Variants in ANKRD55 observed in about 807,000 individuals in gnomAD.
The protein encoded by ANKRD55 is ankyrin repeat domain 55.
ANKRD55 carries 41 observed loss-of-function variants against 60.6 expected under a neutral mutation model. That is an observed-to-expected ratio of 0.68 (90% confidence interval 0.53 to 0.88). The LOEUF is 0.88. Among genes scored for constraint, ANKRD55 ranks in the 40% least tolerant of loss-of-function variants. ANKRD55 has a pLI of 0.00. For missense variants in ANKRD55, 732 were observed against 767.6 expected (o/e 0.95, Z 0.55); for synonymous variants, 264 against 290.3 (o/e 0.91, Z 0.92).
intron 6 of ANKRD55, among the ~76,000 whole-genome samples, chr5:56,145,884 A>G (rs1209400396): frequency 6.6e-6 from 1 of 152,234 alleles, no homozygotes; most frequent in Non-Finnish European, 1.5e-5. Context: ...AAAGCAATGG[A>G]ACTTCTTATT....
intron 8 of ANKRD55, 95 bp downstream of exon 8, chr5:56,126,827 C>A: frequency 1.5e-6 from 2 of 1,347,960 alleles, no homozygotes; most frequent in Non-Finnish European, 2.0e-6. Context: ...AGGGATATAG[C>A]TGTATAGGAC....
At chr5:56,112,680 C>G (rs997095070) in intron 9 of ANKRD55, among the ~76,000 whole-genome samples, 1 of 152,010 alleles carries the variant, frequency 6.6e-6, no homozygotes, top group Non-Finnish European at 1.5e-5. Context: ...TTCCCTGAGG[C>G]AAGATTCTGT....
chr5:56,155,884 C>T (rs1159252576), intron 6 of ANKRD55, among the ~76,000 whole-genome samples: 1 of 150,430 alleles, frequency 6.6e-6, no homozygotes, highest in Non-Finnish European at 1.5e-5. Flanking sequence ...ATGTATATAT[C>T]TATATACAGA....
At chr5:56,161,046 A>G (rs1758317369) in intron 5 of ANKRD55, 1 of 152,246 alleles carries the variant, frequency 6.6e-6, no homozygotes, top group South Asian at 2.1e-4. Flanking sequence ...GTTAATATGC[A>G]TACAACATAT....
chr5:56,138,849 G>A (rs1014027440), intron 7 of ANKRD55, among the ~76,000 whole-genome samples: 1 of 152,132 alleles, frequency 6.6e-6, no homozygotes, highest in Non-Finnish European at 1.5e-5. Flanking sequence ...AAGAATAAGG[G>A]GAGCTCAGAG....
chr5:56,100,219 A>G lies in ANKRD55; in HGVS notation c.1809T>C (p.Ser603=). ...CACTGGTGGGGTTGGCAGAATGTTC[A>G]CTCTCTTCTGCTGCTGTGCTGTGTC... ...QRRHSTAAEE[S]EHSANPTSDE... Residue 603 remains serine, a synonymous_variant, in exon 12 of 12, where the codon AGT becomes AGC. Transcript: ENST00000341048. 6.2e-7 allele frequency: 1 copy of G among 1,613,998 alleles called. No individual in the cohort carries two copies. The highest frequency in any genetic ancestry group is 8.5e-7 in the Non-Finnish European group (1 of 1,180,006).
intron 4 of ANKRD55, among the ~76,000 whole-genome samples, chr5:56,174,617 A>C (rs1281648775): frequency 2.0e-5 from 3 of 152,114 alleles, no homozygotes; most frequent in Non-Finnish European, 4.4e-5. Flanking sequence ...GCAGATCATG[A>C]GGTCAAGAGA....
chr5:56,122,924 T>C (rs553934176), intron 8 of ANKRD55, among the ~76,000 whole-genome samples: 3 of 151,662 alleles, frequency 2.0e-5, no homozygotes, highest in Non-Finnish European at 2.9e-5. Context: ...TACCACTATG[T>C]CCGGCTAATG....
intron 5 of ANKRD55, chr5:56,162,031 C>T (rs1216225313): frequency 4.1e-6 from 4 of 985,170 alleles, no homozygotes; most frequent in Non-Finnish European, 4.8e-6. Flanking sequence ...TTCTCTGGCT[C>T]ATTATTGGCC....
rs535077615 is a variant in ANKRD55 at position 56,232,559 on chromosome 5, T to C, written c.58+297A>G. Among the ~76,000 whole-genome samples, 161 of 152,234 alleles carry C rather than the reference T, an allele frequency of 1.1e-3. 1 individual carries two copies. Among genetic ancestry groups the C allele is most frequent in the African/African-American group, 2.6e-3 (107 of 41,536 alleles). ...AATAGTTGGTGTGCTTGAAATCCAGTTTTTAAAATTTGAAGGTAGGAATAC... is the reference window on the plus strand; with the variant it reads ...AATAGTTGGTGTGCTTGAAATCCAGCTTTTAAAATTTGAAGGTAGGAATAC... On this transcript the variant is annotated intron_variant, in intron 2 of 11. Coordinates refer to ENST00000341048, the MANE Select transcript of ANKRD55 (RefSeq NM_024669.3).
intron 2 of ANKRD55, among the ~76,000 whole-genome samples, chr5:56,210,687 G>A (rs59992294): frequency 6.6e-6 from 1 of 151,272 alleles, no homozygotes; most frequent in Non-Finnish European, 1.5e-5. Context: ...TGGTTTTGTT[G>A]GTAAAAAAAT....
At chr5:56,124,856 A>G (rs1757193080) in intron 8 of ANKRD55, among the ~76,000 whole-genome samples, 1 of 152,204 alleles carries the variant, frequency 6.6e-6, no homozygotes, top group African/African-American at 2.4e-5. Flanking sequence ...ATGAAGGCAG[A>G]ATTTCATGTT....
intron 2 of ANKRD55, among the ~76,000 whole-genome samples, chr5:56,205,007 A>G (rs1759465160): frequency 6.6e-6 from 1 of 151,382 alleles, no homozygotes; most frequent in Non-Finnish European, 1.5e-5. Context: ...TGAACATGAT[A>G]GCTGTTTTCA....
At chr5:56,178,846 C>T (rs1307389242) in intron 3 of ANKRD55, among the ~76,000 whole-genome samples, 1 of 116,748 alleles carries the variant, frequency 8.6e-6, no homozygotes, top group Non-Finnish European at 1.6e-5. Flanking sequence ...TGTTGTGAAA[C>T]TTGAAAACCA....
At chr5:56,107,907 T>A (rs1222348106) in intron 10 of ANKRD55, among the ~76,000 whole-genome samples, 1 of 151,688 alleles carries the variant, frequency 6.6e-6, no homozygotes, top group Non-Finnish European at 1.5e-5. Context: ...CCTCACTTTG[T>A]CACCAAGTCT....
Position 56,143,583 on chromosome 5 carries a change from AG to A in ANKRD55, c.612+217del, listed in dbSNP as rs1162932453. On this transcript the variant is annotated intron_variant, in intron 7 of 11. Coordinates refer to ENST00000341048, the MANE Select transcript of ANKRD55 (RefSeq NM_024669.3). ...TGGAGAGAGAAACAGAGAGAATGAG[AG>A]GGGTATGTGTGTGTCTGTGTGTGCC... 7.9e-5 allele frequency among the ~76,000 whole-genome samples: 12 copies of A among 152,132 alleles called. 1 individual carries two copies. Among genetic ancestry groups the A allele is most frequent in the Admixed American group, 7.9e-4 (12 of 15,274 alleles).
At chr5:56,192,818 T>C in intron 2 of ANKRD55, 1 of 793,174 alleles carries the variant, frequency 1.3e-6, no homozygotes, top group East Asian at 2.8e-5. Flanking sequence ...TAAAATTCTT[T>C]GCTGGGTTAT....
chr5:56,187,604 G>T (rs1759002729), intron 2 of ANKRD55, among the ~76,000 whole-genome samples: 1 of 152,232 alleles, frequency 6.6e-6, no homozygotes, highest in African/African-American at 2.4e-5. Context: ...TCTGGATCCA[G>T]CAGGGTGACC....
In ANKRD55 at chr5:56,159,901, G is replaced by A. The variant is rs1758283566; in HGVS notation, c.423-8C>T. The A allele has an allele frequency of 3.7e-6, 6 of 1,612,350 alleles. No individual in the cohort carries two copies. The highest frequency in any genetic ancestry group is 1.7e-5 in the Admixed American group (1 of 59,906). On this transcript the variant is annotated splice_polypyrimidine_tract_variant and splice_region_variant and intron_variant, in intron 5 of 11. Transcript: ENST00000341048. ...AACAGGACCGTGAGGAGCCTGTAAGGAAAAAATAGGAGAAATGGCTCAAAA... is the reference window on the plus strand; with the variant it reads ...AACAGGACCGTGAGGAGCCTGTAAGAAAAAAATAGGAGAAATGGCTCAAAA...
Sources: gnomAD v4.1 joint callset for allele counts (sites outside exome capture counted in the v4.1 genomes callset) on GRCh38, gnomAD v4.1.1 for gene constraint, MANE v1.5 for transcripts, NCBI Gene and HGNC (gene_info 2026-07-23, HGNC 2026-07-21) for gene names.